FAM110C: variants seen among roughly 807,000 people sequenced by gnomAD.
FAM110C encodes family with sequence similarity 110 member C, also known as protein FAM110C.
Under a neutral mutation model 15.7 loss-of-function variants are expected in FAM110C, and 19 were observed. That is an observed-to-expected ratio of 1.21 (90% CI 0.85 to 1.78). The LOEUF (loss-of-function observed/expected upper bound fraction) is 1.78. Ranked by LOEUF, FAM110C falls within the 40% of genes most tolerant of loss-of-function variation. FAM110C has a pLI of 0.00. For missense variants in FAM110C, 547 were observed against 495.7 expected, an observed-to-expected ratio of 1.10 and a Z score of -0.98; for synonymous variants, 275 against 233.9, an observed-to-expected ratio of 1.18 and a Z score of -1.61.
Position 45,458 on chromosome 2 carries a change from C to A in FAM110C, c.928G>T (p.Glu310Ter). The change falls in exon 1 of 2, where the codon GAG becomes TAG. Residue 310 changes from glutamate (E) to a stop codon, truncating the protein, a stop_gained. Coordinates refer to ENST00000327669, the MANE Select transcript of FAM110C (RefSeq NM_001077710.3). LOFTEE classifies it low-confidence loss of function (END_TRUNC). ...CKKAKETPSQ[E>*]QSRTRGSKPS... ...CACACACCTCGGGTCCGGCTCTGCT[C>A]CTGGCTGGGGGTCTCCTTGGCCTTC... 1 of 1,612,058 alleles carries A rather than the reference C, an allele frequency of 6.2e-7. No individual in the cohort carries two copies. Among genetic ancestry groups the A allele is most frequent in the East Asian group, 2.2e-5 (1 of 44,838 alleles).
Position 45,451 on chromosome 2 carries a change from C to T in FAM110C, c.935G>A (p.Ser312Asn), listed in dbSNP as rs2103272589. 3 of 1,610,560 alleles carry T rather than the reference C, an allele frequency of 1.9e-6. No homozygotes were observed. In the East Asian group the frequency reaches 6.7e-5, roughly 36 times the overall value. Residue 312 changes from serine (S) to asparagine (N), a missense_variant, in exon 1 of 2, where the codon AGC (serine) becomes AAC (asparagine). Transcript: ENST00000327669. The part of the protein sequence containing the change: ...KAKETPSQEQ[S>N]RTRGSKPSR Reference sequence around the variant, plus strand: ...TTCTGGGCACACACCTCGGGTCCGGCTCTGCTCCTGGCTGGGGGTCTCCTT... The same window carrying T: ...TTCTGGGCACACACCTCGGGTCCGGTTCTGCTCCTGGCTGGGGGTCTCCTT...
Position 45,669 on chromosome 2 carries a change from C to A in FAM110C, c.717G>T (p.Ala239=). ...CCTTGAGGGTCACACAGTCCGACCC[C>A]GCGGTGAAGTTCTCCCTCCCCAGGG... ...VEALGRENFT[A]GSDCVTLKVR... The change falls in exon 1 of 2, where the codon GCG becomes GCT. Residue 239 remains alanine (A), a synonymous_variant. Coordinates refer to ENST00000327669, the MANE Select transcript of FAM110C (RefSeq NM_001077710.3). 2 of 1,608,518 alleles carry A rather than the reference C, an allele frequency of 1.2e-6. No homozygotes were observed. Among genetic ancestry groups the A allele is most frequent in the South Asian group, 1.1e-5 (1 of 90,394 alleles).
intron 1 of FAM110C, chr2:44,161 G>A (rs1432194163): frequency 2.0e-6 from 2 of 985,286 alleles, no homozygotes; most frequent in Non-Finnish European, 2.4e-6. Flanking sequence ...ACAAATTAAT[G>A]TTTGTTTGCT....
chr2:45,760 G>T lies in FAM110C; in HGVS notation c.626C>A (p.Ser209Tyr). The T allele has an allele frequency of 6.3e-7, 1 of 1,582,848 alleles. No individual in the cohort carries two copies. Among genetic ancestry groups the T allele is most frequent in the Non-Finnish European group, 8.6e-7 (1 of 1,166,828 alleles). ...GGTGTCAGACTCGGCCAAGGCAGCG[G>T]AATAGCGGGAGCTGAGGTCCGACTG... ...RSQSDLSSRY[S>Y]AALAESDTFF... The change falls in exon 1 of 2, where the codon TCC becomes TAC. Residue 209 changes from serine to tyrosine, a missense_variant. Coordinates refer to ENST00000327669, the MANE Select transcript of FAM110C (RefSeq NM_001077710.3).
Position 40,993 on chromosome 2 carries a change from A to T in FAM110C, c.*615T>A, listed in dbSNP as rs1664109472. The stretch of plus-strand genomic sequence containing the variant: ...AGAATGACCTTGTAGCCCTCAAGTT[A>T]TTTTAAAAGTGCTTTCTGACTTGTT... On this transcript the variant is annotated 3_prime_UTR_variant, in exon 2 of 2. Coordinates refer to ENST00000327669, the MANE Select transcript of FAM110C (RefSeq NM_001077710.3). 1 of 152,230 alleles carries T rather than the reference A, an allele frequency of 6.6e-6. No homozygotes were observed. The highest frequency in any genetic ancestry group is 2.4e-5 in the African/African-American group (1 of 41,452). The allele number at this position is 152,230 out of a possible 1,614,324, so 9.4% of individuals were successfully genotyped here. A position where few individuals can be genotyped will look rare whatever the true frequency, so the allele number is the denominator to read the frequency against.
rs143784741 is a variant in FAM110C, at chr2:41,393, A to G, written c.*215T>C. 694 of 458,386 alleles carry G rather than the reference A, an allele frequency of 1.5e-3. 6 individuals are homozygous for G. The highest frequency in any genetic ancestry group is 0.013 in the African/African-American group (627 of 49,696). 28.4% of individuals were successfully genotyped at this position (458,386 alleles called of 1,614,324 possible). A position where few individuals can be genotyped will look rare whatever the true frequency, so the allele number is the denominator to read the frequency against. On this transcript the variant is annotated 3_prime_UTR_variant, in exon 2 of 2. Coordinates refer to ENST00000327669, the MANE Select transcript of FAM110C (RefSeq NM_001077710.3). ...ACACTAGTTTCACCTCAAACAAGGAAGACACCTCTTGGAGTTTCAGCTGTT... is the reference window on the plus strand; with the variant it reads ...ACACTAGTTTCACCTCAAACAAGGAGGACACCTCTTGGAGTTTCAGCTGTT...
Position 46,113 on chromosome 2 carries a change from CG to C in FAM110C, c.272del (p.Ala91GlyfsTer5). The C allele has an allele frequency of 1.3e-6, 2 of 1,484,052 alleles. No individual in the cohort carries two copies. Among genetic ancestry groups the C allele is most frequent in the Non-Finnish European group, 1.8e-6 (2 of 1,124,652 alleles). The allele number at this position is 1,484,052 out of a possible 1,614,324, so 91.9% of individuals were successfully genotyped here. On this transcript the variant is annotated frameshift_variant, in exon 1 of 2. Coordinates refer to ENST00000327669, the MANE Select transcript of FAM110C (RefSeq NM_001077710.3). LOFTEE classifies it high-confidence loss of function. ...GCGAGTCCGGTCTCAACGGCTTCCG[CG>C]CAATAGCCCTGCGCGCCACCGGGGC... is the stretch of plus-strand genomic sequence containing the variant. The part of the protein sequence containing the change: ...APAPVARRAI[A>X]RKPLRPDSLI...
At chr2:45,329 C>T in intron 1 of FAM110C, 111 bp downstream of exon 1, 2 of 1,449,678 alleles carry the variant, frequency 1.4e-6, no homozygotes. Flanking sequence ...AGCTCAAAAT[C>T]GCACTCAATT....
intron 1 of FAM110C, chr2:44,022 T>G: frequency 1.0e-6 from 1 of 985,382 alleles, no homozygotes; most frequent in Non-Finnish European, 1.2e-6. Flanking sequence ...TAGTGCTCTA[T>G]CCACCAGACA....
At position 41,585 on chromosome 2, in the gene FAM110C, T is replaced by G; in HGVS notation, c.*23A>C. 6.2e-7 allele frequency: 1 copy of G among 1,613,798 alleles called. No individual in the cohort carries two copies. The highest frequency in any genetic ancestry group is 8.5e-7 in the Non-Finnish European group (1 of 1,179,908). On this transcript the variant is annotated 3_prime_UTR_variant, in exon 2 of 2. Transcript: ENST00000327669. Reference sequence around the variant, plus strand: ...TGGTCCTGGGATCCCAAATCACCCATGAAATCCTTCAAGAAGTCTTCATCA... The same window carrying G: ...TGGTCCTGGGATCCCAAATCACCCAGGAAATCCTTCAAGAAGTCTTCATCA...
chr2:45,951 C>G lies in FAM110C; in HGVS notation c.435G>C (p.Lys145Asn). 1 of 1,435,014 alleles carries G rather than the reference C, an allele frequency of 7.0e-7. No individual in the cohort carries two copies. Among genetic ancestry groups the G allele is most frequent in the Non-Finnish European group, 9.1e-7 (1 of 1,102,288 alleles). The allele number at this position is 1,435,014 out of a possible 1,614,324, so 88.9% of individuals were successfully genotyped here. Residue 145 changes from lysine (K) to asparagine (N), a missense_variant, in exon 1 of 2, where the codon AAG becomes AAC. By Grantham distance (94) the Lys-to-Asn change is moderately conservative (BLOSUM62 0). Transcript: ENST00000327669. ...APVPRTGDEG[K>N]AGNPETVPTT... ...TCGGGACCGTCTCCGGGTTCCCGGCCTTGCCCTCGTCTCCCGTCCGGGGCA... is the reference window on the plus strand; with the variant it reads ...TCGGGACCGTCTCCGGGTTCCCGGCGTTGCCCTCGTCTCCCGTCCGGGGCA...
Position 42,348 on chromosome 2 carries a change from G to A in FAM110C, c.947-721C>T, listed in dbSNP as rs540244412. The A allele has an allele frequency of 1.9e-5, 19 of 977,068 alleles. 1 individual carries two copies. The South Asian group carries it at 5.2e-4, about 27-fold the overall frequency. 60.5% of individuals were successfully genotyped at this position (977,068 alleles called of 1,614,324 possible). On this transcript the variant is annotated intron_variant, in intron 1 of 1. Coordinates refer to ENST00000327669, the MANE Select transcript of FAM110C (RefSeq NM_001077710.3). ...CATTTTTGCCTTGAAATTAAGCAAT[G>A]TTTTATGCCTAATTTCCCAAAGGAC...
chr2:46,246 T>TA lies in FAM110C; in HGVS notation c.139dup (p.Tyr47LeufsTer86), dbSNP rs1278138480. 2 of 1,412,408 alleles carry TA rather than the reference T, an allele frequency of 1.4e-6. No individual in the cohort carries two copies. The highest frequency in any genetic ancestry group is 1.8e-6 in the Non-Finnish European group (2 of 1,087,006). 87.5% of individuals were successfully genotyped at this position (1,412,408 alleles called of 1,614,324 possible). A position where few individuals can be genotyped will look rare whatever the true frequency, so the allele number is the denominator to read the frequency against. ...GCCAGTCCCCGGCCGACCCCGCACA[T>TA]ACTTGGCGCGATCCGCCGCCAGCCT... On this transcript the variant is annotated frameshift_variant, in exon 1 of 2. Coordinates refer to ENST00000327669, the MANE Select transcript of FAM110C (RefSeq NM_001077710.3). LOFTEE classifies it high-confidence loss of function.
chr2:42,690 TA>T, intron 1 of FAM110C: 1 of 390,266 alleles, frequency 2.6e-6, no homozygotes, highest in Non-Finnish European at 3.5e-6. Flanking sequence ...AAGAAACTTA[TA>T]AACGTATTTA....
rs779256953 is a variant in FAM110C at position 45,678 on chromosome 2, G to A, written c.708C>T (p.Asn236=). The change falls in exon 1 of 2, where the codon AAC becomes AAT. Residue 236 remains asparagine (N), a synonymous_variant. Transcript: ENST00000327669. The part of the protein sequence containing the change: ...PEVVEALGRE[N]FTAGSDCVTL... ...TCACACAGTCCGACCCCGCGGTGAA[G>A]TTCTCCCTCCCCAGGGCCTCCACCA... 5 of 1,607,194 alleles carry A rather than the reference G, an allele frequency of 3.1e-6. No individual in the cohort carries two copies. The Admixed American group carries it at 6.8e-5, about 22-fold the overall frequency.
At chr2:45,096 T>C (rs999522872) in intron 1 of FAM110C, 1 of 985,172 alleles carries the variant, frequency 1.0e-6, no homozygotes, top group African/African-American at 1.7e-5. Flanking sequence ...ATACTAGGGG[T>C]GTAAAACTGC....
chr2:41,763 T>C, intron 1 of FAM110C, 136 bp from the exon 2 acceptor site: 1 of 1,369,562 alleles, frequency 7.3e-7, no homozygotes, highest in South Asian at 1.9e-5. Context: ...AACATCTTCT[T>C]TTGCGTTTTA....
chr2:41,759 T>C lies in FAM110C; in HGVS notation c.947-132A>G. On this transcript the variant is annotated intron_variant, in intron 1 of 1. Transcript: ENST00000327669. ...GACATTCTCTGCATTTTGAAACATC[T>C]TCTTTTGCGTTTTAAATTTTGACAA... is the stretch of plus-strand genomic sequence containing the variant. 3 of 1,369,482 alleles carry C rather than the reference T, an allele frequency of 2.2e-6. No homozygotes were observed. The South Asian group carries it at 5.6e-5, about 26-fold the overall frequency. 84.8% of individuals were successfully genotyped at this position (1,369,482 alleles called of 1,614,324 possible). A position where few individuals can be genotyped will look rare whatever the true frequency, so the allele number is the denominator to read the frequency against.
At chr2:41,787 G>A (rs953321840) in intron 1 of FAM110C, 160 bp from the exon 2 acceptor site, 20 of 985,278 alleles carry the variant, frequency 2.0e-5, no homozygotes, top group African/African-American at 3.5e-5. Context: ...TTTGACAAGA[G>A]GTCAGTAACT....
Sources: allele counts gnomAD v4.1 joint callset, GRCh38; gene constraint gnomAD v4.1.1; transcripts MANE v1.5; gene names NCBI Gene and HGNC (gene_info 2026-07-23, HGNC 2026-07-21).